Variants in DNAH6 observed in about 807,000 individuals in gnomAD.
DNAH6 encodes the protein axonemal beta dynein heavy chain 6.
In DNAH6, 340 loss-of-function variants were observed where a neutral mutation model predicts 491.4. The ratio of observed to expected loss-of-function variants is 0.69; its 90% CI spans 0.63 to 0.76. The LOEUF (loss-of-function observed/expected upper bound fraction) is 0.76, where lower values mean the gene tolerates loss of function less well. Among genes scored for constraint, DNAH6 ranks in the 30% least tolerant of loss-of-function variants. DNAH6 has a pLI of 0.00. For missense variants in DNAH6, 4,443 were observed against 4,972.2 expected (o/e 0.89, Z 3.20); for synonymous variants, 1,603 against 1,686.1 (o/e 0.95, Z 1.21).
rs781324199 is a variant in DNAH6 at position 84,549,906 on chromosome 2, ACTAT to A, written c.1338_1341del (p.Tyr446Ter). 53 of 1,602,028 alleles carry A rather than the reference ACTAT, an allele frequency of 3.3e-5. No individual in the cohort carries two copies. The highest frequency in any genetic ancestry group is 1.7e-4 in the Middle Eastern group (1 of 6,028). On this transcript the variant is annotated frameshift_variant, in exon 9 of 77. Coordinates refer to ENST00000389394, the MANE Select transcript of DNAH6 (RefSeq NM_001370.2). LOFTEE classifies it high-confidence loss of function. ...TTTTCAAGCTTTATTCGTCTAAACG[ACTAT>A]CTAATTGAGAACACAATGCACATCT...
At chr2:84,503,528 T>A in the DNAH6 span, among the ~76,000 whole-genome samples, 1 of 152,148 alleles carries the variant, frequency 6.6e-6, no homozygotes, top group East Asian at 1.9e-4. Context: ...ACTAATGTTG[T>A]TTCTTTTCTG....
At chr2:84,497,987 C>G in the DNAH6 span, among the ~76,000 whole-genome samples, 1 of 152,340 alleles carries the variant, frequency 6.6e-6, no homozygotes, top group Non-Finnish European at 1.5e-5. Context: ...CCCAGCCCTT[C>G]CGTTCTCCAC....
At chr2:84,743,503 G>C (rs111956046) in intron 62 of DNAH6, among the ~76,000 whole-genome samples, 1 of 152,032 alleles carries the variant, frequency 6.6e-6, no homozygotes, top group African/African-American at 2.4e-5. Context: ...TAAGTGCTTC[G>C]TGTCCTATTG....
chr2:84,531,846 T>C (rs897227133), intron 4 of DNAH6, among the ~76,000 whole-genome samples: 1 of 152,128 alleles, frequency 6.6e-6, no homozygotes, highest in African/African-American at 2.4e-5. Context: ...AAAAAACCCT[T>C]AATAATATTG....
At chr2:84,739,475 A>G (rs183788198) in intron 62 of DNAH6, among the ~76,000 whole-genome samples, 1 of 152,310 alleles carries the variant, frequency 6.6e-6, no homozygotes, top group Admixed American at 6.5e-5. Context: ...CTTCTCTCTC[A>G]TGAATGCCAG....
rs114680130 is a variant in DNAH6, at chr2:84,547,916, C to T, written c.1186+304C>T. 3.0e-3 allele frequency among the ~76,000 whole-genome samples: 237 copies of T among 77,804 alleles called. 1 individual carries two copies. The highest frequency in any genetic ancestry group is 5.2e-3 in the Non-Finnish European group (154 of 29,802). The allele number at this position is 77,804 out of a possible 152,430, so 51.0% of individuals were successfully genotyped here. ...TAAAGATATGTCCAGCCTACTAGCACAGACAATAGGTTTGTTAAAATTAAG... is the reference window on the plus strand; with the variant it reads ...TAAAGATATGTCCAGCCTACTAGCATAGACAATAGGTTTGTTAAAATTAAG... On this transcript the variant is annotated intron_variant, in intron 7 of 76. Coordinates refer to ENST00000389394, the MANE Select transcript of DNAH6 (RefSeq NM_001370.2).
intron 44 of DNAH6, among the ~76,000 whole-genome samples, chr2:84,687,482 T>C (rs747137753): frequency 2.0e-5 from 3 of 152,190 alleles, no homozygotes; most frequent in Non-Finnish European, 4.4e-5. Flanking sequence ...TCTAGATAAG[T>C]ATTACCACCC....
intron 41 of DNAH6, among the ~76,000 whole-genome samples, chr2:84,679,795 G>A (rs533477960): frequency 7.9e-5 from 12 of 152,222 alleles, no homozygotes; most frequent in African/African-American, 2.9e-4. Context: ...GCCTGATATT[G>A]GTGTATCATC....
In DNAH6 at chr2:84,715,562, A is replaced by T. The variant is rs1280614524; in HGVS notation, c.9546A>T (p.Val3182=). 6.4e-7 allele frequency: 1 copy of T among 1,551,416 alleles called. No homozygotes were observed. Among genetic ancestry groups the T allele is most frequent in the Non-Finnish European group, 8.7e-7 (1 of 1,146,838 alleles). Residue 3182 remains valine, a splice_region_variant and synonymous_variant, in exon 58 of 77, where the codon GTA becomes GTT. Coordinates refer to ENST00000389394, the MANE Select transcript of DNAH6 (RefSeq NM_001370.2). ...TGCACTCTGTGCTTCTCTTCCAGGT[A>T]TGCATTAAAGTTACCATTATCAATT... is the stretch of plus-strand genomic sequence containing the variant. The part of the protein sequence containing the change: ...KMPNPHYLPE[V]CIKVTIINFT...
chr2:84,637,871 T>A (rs1225238449), intron 31 of DNAH6, among the ~76,000 whole-genome samples: 1 of 152,124 alleles, frequency 6.6e-6, no homozygotes, highest in Non-Finnish European at 1.5e-5. Flanking sequence ...TTTTTCTGTA[T>A]CTACTTAGGC....
intron 4 of DNAH6, among the ~76,000 whole-genome samples, chr2:84,532,299 T>G (rs1404065566): frequency 1.3e-5 from 2 of 152,188 alleles, no homozygotes; most frequent in African/African-American, 2.4e-5. Context: ...TAAGTTCTCA[T>G]TTAAAAAGAT....
In DNAH6 at chr2:84,775,025, A is replaced by G. The variant is rs544230511; in HGVS notation, c.10704-6468A>G. 2.6e-5 allele frequency among the ~76,000 whole-genome samples: 4 copies of G among 152,176 alleles called. No homozygotes were observed. In the South Asian group the frequency reaches 8.3e-4, roughly 32 times the overall value. ...TTTCTCTTGCCTGATTGCTTTGGCT[A>G]TGATTTCCAGTACTATGTTAAAAAG... On this transcript the variant is annotated intron_variant, in intron 64 of 76. Coordinates refer to ENST00000389394, the MANE Select transcript of DNAH6 (RefSeq NM_001370.2).
At chr2:84,479,829 CAA>C in the DNAH6 span, among the ~76,000 whole-genome samples, 1 of 152,242 alleles carries the variant, frequency 6.6e-6, no homozygotes, top group Admixed American at 6.5e-5. Flanking sequence ...AAGGATACCA[CAA>C]AAATCAAACC....
chr2:84,622,100 AC>A (rs1687452800), intron 26 of DNAH6, among the ~76,000 whole-genome samples: 1 of 152,188 alleles, frequency 6.6e-6, no homozygotes, highest in Admixed American at 6.5e-5. Context: ...CAGCAACTCC[AC>A]ATTTCCTCCT....
chr2:84,489,645 A>T, the DNAH6 span, among the ~76,000 whole-genome samples: 1 of 151,600 alleles, frequency 6.6e-6, no homozygotes, highest in Non-Finnish European at 1.5e-5. Context: ...TCTGCCTTGC[A>T]CCTCCTTATT....
At chr2:84,598,974 G>A (rs1401955644) in intron 18 of DNAH6, among the ~76,000 whole-genome samples, 2 of 147,248 alleles carry the variant, frequency 1.4e-5, no homozygotes, top group Non-Finnish European at 3.0e-5. Flanking sequence ...AGGTTTCAGT[G>A]AGCCGAAATT....
intron 39 of DNAH6, among the ~76,000 whole-genome samples, 178 bp from the exon 40 acceptor site, chr2:84,672,149 T>C (rs183972408): frequency 2.0e-5 from 3 of 152,314 alleles, no homozygotes; most frequent in Admixed American, 6.5e-5. Flanking sequence ...GGACCACATC[T>C]TCCTGCAGGG....
Position 84,706,906 on chromosome 2 carries a change from A to G in DNAH6, c.8738A>G (p.Asp2913Gly). 1 of 1,541,288 alleles carries G rather than the reference A, an allele frequency of 6.5e-7. No homozygotes were observed. The highest frequency in any genetic ancestry group is 1.2e-5 in the South Asian group (1 of 80,584). ...GCTTGATTTTATTAGGCTGAACTTG[A>G]CATTACCATGGCTACCCTGAGAGAA... is the stretch of plus-strand genomic sequence containing the variant. ...QKLRAAQAEL[D>G]ITMATLREKQ... is the part of the protein sequence containing the mutation. Residue 2913 changes from aspartate to glycine, a missense_variant, in exon 53 of 77, where the codon GAC (aspartate) becomes GGC (glycine). Asp to Gly is a moderately conservative substitution (Grantham distance 94, BLOSUM62 -1). This residue lies in a region of DNAH6 where 1,463 missense variants were observed against 1,656.6 expected (regional missense o/e 0.88). Transcript: ENST00000389394.
At chr2:84,657,439 T>G (rs1691087669) in intron 35 of DNAH6, among the ~76,000 whole-genome samples, 1 of 152,082 alleles carries the variant, frequency 6.6e-6, no homozygotes. Context: ...TTAAGACTAT[T>G]TAGTCTTCCT....
Sources: gnomAD v4.1 joint callset for allele counts (sites outside exome capture counted in the v4.1 genomes callset) on GRCh38, gnomAD v4.1.1 for gene constraint, gnomAD v4.1.1 regional missense constraint, MANE v1.5 for transcripts, NCBI Gene and HGNC (gene_info 2026-07-23, HGNC 2026-07-21) for gene names.